PAICS: variants seen among roughly 807,000 people sequenced by gnomAD.
PAICS encodes bifunctional phosphoribosylaminoimidazole carboxylase/phosphoribosylaminoimidazole succinocarboxamide synthetase.
In PAICS, 33 loss-of-function variants were observed where a neutral mutation model predicts 53.7. That is an observed-to-expected ratio of 0.61 (90% CI 0.47 to 0.82). The LOEUF is 0.82. Ranked by LOEUF, PAICS falls within the 40% of genes least tolerant of loss-of-function variation. PAICS has a pLI of 0.00. For synonymous variants in PAICS, 141 were observed against 167.2 expected (o/e 0.84, Z 1.21); for missense variants, 394 against 494.1 (o/e 0.80, Z 1.92).
the PAICS span, among the ~76,000 whole-genome samples, chr4:56,427,321 T>C: frequency 2.0e-5 from 3 of 152,220 alleles, no homozygotes; most frequent in Non-Finnish European, 4.4e-5. Context: ...CCACAGCATG[T>C]ATATGTTTTT....
chr4:56,426,295 G>A, the PAICS span, among the ~76,000 whole-genome samples: 1,470 of 152,180 alleles, frequency 9.7e-3, 18 homozygotes, highest in African/African-American at 0.033. Flanking sequence ...TCAGCTACTC[G>A]GGAGGCTGAG....
At chr4:56,441,433 T>C (rs1718332515) in intron 1 of PAICS, among the ~76,000 whole-genome samples, 1 of 152,216 alleles carries the variant, frequency 6.6e-6, no homozygotes, top group African/African-American at 2.4e-5. Context: ...ATTTCTGCTT[T>C]ACTAATTTCT....
the PAICS span, among the ~76,000 whole-genome samples, chr4:56,413,918 ATAAT>A: frequency 6.6e-6 from 1 of 152,322 alleles, no homozygotes; most frequent in East Asian, 1.9e-4. Context: ...AATTAAATAA[ATAAT>A]TAACGACTTA....
the PAICS span, among the ~76,000 whole-genome samples, chr4:56,411,935 T>G: frequency 6.6e-6 from 1 of 152,222 alleles, no homozygotes; most frequent in Non-Finnish European, 1.5e-5. Context: ...CTACATTCTT[T>G]CCATTTCTGA....
chr4:56,449,643 T>A (rs1156413752), intron 5 of PAICS, among the ~76,000 whole-genome samples: 1 of 151,512 alleles, frequency 6.6e-6, no homozygotes, highest in Non-Finnish European at 1.5e-5. Flanking sequence ...ATAAAGAAAA[T>A]GTGATATACA....
At position 56,461,205 on chromosome 4, in the gene PAICS, T is replaced by G. The variant is rs17086785; in HGVS notation, c.*1667T>G. The G allele has an allele frequency of 6.6e-6, 1 of 152,258 alleles. No homozygotes were observed. Among genetic ancestry groups the G allele is most frequent in the Admixed American group, 6.5e-5 (1 of 15,284 alleles). The allele number at this position is 152,258 out of a possible 1,614,324, so 9.4% of individuals were successfully genotyped here. A position where few individuals can be genotyped will look rare whatever the true frequency, so the allele number is the denominator to read the frequency against. On this transcript the variant is annotated 3_prime_UTR_variant, in exon 9 of 9. Coordinates refer to ENST00000512576, the MANE Select transcript of PAICS (RefSeq NM_001079524.2). ...ATTATTAGGTCCAGAATAGAAGATG[T>G]CATTGTACACTTTATTTCCCTCACA... is the stretch of plus-strand genomic sequence containing the variant.
the PAICS span, among the ~76,000 whole-genome samples, chr4:56,430,130 T>G: frequency 6.6e-6 from 1 of 152,172 alleles, no homozygotes; most frequent in African/African-American, 2.4e-5. Context: ...TATATCCCAT[T>G]ACTTTTTAAA....
upstream of PAICS, chr4:56,431,396 G>A (rs552997229): frequency 3.1e-6 from 3 of 970,806 alleles, no homozygotes; most frequent in African/African-American, 3.5e-5. Context: ...CTTTCCAGTG[G>A]TAATGTTCTG....
intron 2 of PAICS, 24 bp downstream of exon 2, chr4:56,441,884 T>G: frequency 7.0e-7 from 1 of 1,438,716 alleles, no homozygotes; most frequent in Middle Eastern, 1.8e-4. Context: ...TCAAAGTCTC[T>G]TCTCTCACCT....
chr4:56,411,425 A>G, the PAICS span, among the ~76,000 whole-genome samples: 4 of 152,222 alleles, frequency 2.6e-5, no homozygotes, highest in African/African-American at 7.2e-5. Context: ...ACAATGAAGA[A>G]GAACAGCTCC....
At chr4:56,417,232 GAAA>G in the PAICS span, among the ~76,000 whole-genome samples, 1 of 151,250 alleles carries the variant, frequency 6.6e-6, no homozygotes, top group East Asian at 1.9e-4. Flanking sequence ...ACCCAAATAA[GAAA>G]AAAAATTCTG....
the PAICS span, among the ~76,000 whole-genome samples, chr4:56,413,000 C>T: frequency 1.3e-3 from 119 of 89,432 alleles, 1 homozygote; most frequent in Non-Finnish European, 1.3e-3. Flanking sequence ...TAATATTTAA[C>T]TGAGTGTGGG....
intron 6 of PAICS, among the ~76,000 whole-genome samples, 158 bp from the exon 7 acceptor site, chr4:56,451,714 T>A (rs896834559): frequency 5.3e-5 from 8 of 152,236 alleles, no homozygotes; most frequent in East Asian, 1.9e-4. Flanking sequence ...TTGAGATTTT[T>A]AAAAATAAAT....
rs878904282 is a variant in PAICS at position 56,459,893 on chromosome 4, ATT to A, written c.*371_*372del. 2.0e-3 allele frequency: 274 copies of A among 140,110 alleles called. No homozygotes were observed. The highest frequency in any genetic ancestry group is 6.7e-3 in the South Asian group (32 of 4,754). 8.7% of individuals were successfully genotyped at this position (140,110 alleles called of 1,614,324 possible). A position where few individuals can be genotyped will look rare whatever the true frequency, so the allele number is the denominator to read the frequency against. ...CCCAGCTATATTTCTCCAGACTTGCATTTTTTTTTTTTTTTTTGAGACAGGGT... is the reference window on the plus strand; with the variant it reads ...CCCAGCTATATTTCTCCAGACTTGCATTTTTTTTTTTTTTTGAGACAGGGT... On this transcript the variant is annotated 3_prime_UTR_variant, in exon 9 of 9. Coordinates refer to ENST00000512576, the MANE Select transcript of PAICS (RefSeq NM_001079524.2).
At chr4:56,413,682 G>T in the PAICS span, among the ~76,000 whole-genome samples, 1 of 151,950 alleles carries the variant, frequency 6.6e-6, no homozygotes, top group African/African-American at 2.4e-5. Flanking sequence ...GATCACCTGA[G>T]GTCAGGAGTT....
At position 56,460,131 on chromosome 4, in the gene PAICS, C is replaced by G. The variant is rs1351543771; in HGVS notation, c.*593C>G. On this transcript the variant is annotated 3_prime_UTR_variant, in exon 9 of 9. Coordinates refer to ENST00000512576, the MANE Select transcript of PAICS (RefSeq NM_001079524.2). Reference sequence around the variant, plus strand: ...CAAACTCCTGAACCCTAGTAATTCTCCTATCTCAGCCTCCCAAAGTGCTAG... The same window carrying G: ...CAAACTCCTGAACCCTAGTAATTCTGCTATCTCAGCCTCCCAAAGTGCTAG... 1 of 152,396 alleles carries G rather than the reference C, an allele frequency of 6.6e-6. No homozygotes were observed. Among genetic ancestry groups the G allele is most frequent in the Non-Finnish European group, 1.5e-5 (1 of 68,236 alleles). The allele number at this position is 152,396 out of a possible 1,614,324, so 9.4% of individuals were successfully genotyped here.
upstream of PAICS, among the ~76,000 whole-genome samples, chr4:56,433,941 C>A (rs925161767): frequency 6.6e-6 from 1 of 152,148 alleles, no homozygotes; most frequent in Admixed American, 6.5e-5. Context: ...CCGCCCGCCT[C>A]GGCCTCCCAA....
At chr4:56,418,830 C>G in the PAICS span, among the ~76,000 whole-genome samples, 3 of 152,308 alleles carry the variant, frequency 2.0e-5, no homozygotes, top group East Asian at 5.8e-4. Context: ...AAGTATAAAA[C>G]TGTTCTAGAG....
At chr4:56,435,792 C>T, upstream of PAICS, 1 of 1,513,728 alleles carries the variant, frequency 6.6e-7, no homozygotes, top group Non-Finnish European at 8.9e-7. Context: ...GTATTTGCTG[C>T]ACGTGGAAAT....
Sources: gnomAD v4.1 joint callset for allele counts (sites outside exome capture counted in the v4.1 genomes callset) on GRCh38, gnomAD v4.1.1 for gene constraint, MANE v1.5 for transcripts, NCBI Gene and HGNC (gene_info 2026-07-23, HGNC 2026-07-21) for gene names.